The following SERP2 variants were observed in gnomAD, a reference collection of about 807,000 sequenced individuals.
The protein encoded by SERP2 is stress-associated endoplasmic reticulum protein 2.
Under a neutral mutation model 9.1 loss-of-function variants are expected in SERP2, and 6 were observed. The observed-to-expected ratio is 0.66, with a 90% confidence interval of 0.36 to 1.30. SERP2 has a LOEUF of 1.30. SERP2 is among the 50% of genes most tolerant of loss of function. The pLI is 0.03. For missense variants in SERP2, 58 were observed against 81.9 expected (o/e 0.71, Z 1.13); for synonymous variants, 37 against 27.3 (o/e 1.35, Z -1.10).
At chr13:44,385,078 A>T (rs1872235402) in intron 2 of SERP2, among the ~76,000 whole-genome samples, 1 of 152,162 alleles carries the variant, frequency 6.6e-6, no homozygotes, top group Non-Finnish European at 1.5e-5. Context: ...GCATTTAAGT[A>T]TGTGCTCACT....
At chr13:44,393,301 A>C (rs751216751) in intron 2 of SERP2, among the ~76,000 whole-genome samples, 8 of 152,196 alleles carry the variant, frequency 5.3e-5, no homozygotes, top group Non-Finnish European at 8.8e-5. Flanking sequence ...ATGTGGAGTC[A>C]GGCAGATAGC....
chr13:44,391,670 A>G (rs562975436), intron 2 of SERP2, among the ~76,000 whole-genome samples: 2 of 152,154 alleles, frequency 1.3e-5, no homozygotes, highest in Non-Finnish European at 2.9e-5. Context: ...CGGCATCTCA[A>G]CATCTCCTGT....
intron 2 of SERP2, among the ~76,000 whole-genome samples, chr13:44,389,048 C>G (rs1273467501): frequency 1.3e-5 from 2 of 152,212 alleles, no homozygotes; most frequent in African/African-American, 4.8e-5. Flanking sequence ...TCTTTGAGCC[C>G]AAAGGTTGAG....
At chr13:44,390,142 T>C (rs1350633383) in intron 2 of SERP2, among the ~76,000 whole-genome samples, 2 of 152,206 alleles carry the variant, frequency 1.3e-5, no homozygotes, top group Non-Finnish European at 2.9e-5. Context: ...TGACTGTGTA[T>C]TGAAAAAAGC....
intron 1 of SERP2, among the ~76,000 whole-genome samples, chr13:44,376,773 TA>T (rs904515765): frequency 8.5e-4 from 121 of 142,462 alleles, no homozygotes; most frequent in Non-Finnish European, 8.6e-4. Context: ...AGACTCCGTC[TA>T]AAAAAAAAAA....
chr13:44,382,963 C>G (rs946335534), intron 2 of SERP2, among the ~76,000 whole-genome samples: 2 of 152,156 alleles, frequency 1.3e-5, no homozygotes, highest in African/African-American at 4.8e-5. Flanking sequence ...TCATACTCAG[C>G]AGAAGAGAAA....
At chr13:44,381,880 T>C (rs1199944176) in intron 2 of SERP2, among the ~76,000 whole-genome samples, 2 of 152,164 alleles carry the variant, frequency 1.3e-5, no homozygotes, top group Non-Finnish European at 2.9e-5. Context: ...TTTAGTTTAC[T>C]TACTTAGGTT....
chr13:44,375,694 C>T (rs1185402079), intron 1 of SERP2, among the ~76,000 whole-genome samples: 2 of 152,164 alleles, frequency 1.3e-5, no homozygotes, highest in Middle Eastern at 3.4e-3. Flanking sequence ...ACTAAAAAAC[C>T]GGAGTTCAGT....
intron 2 of SERP2, among the ~76,000 whole-genome samples, chr13:44,395,454 A>C (rs567481556): frequency 6.6e-6 from 1 of 152,036 alleles, no homozygotes; most frequent in East Asian, 1.9e-4. Context: ...AATACAAAAA[A>C]TTAGCCGGGC....
intron 1 of SERP2, among the ~76,000 whole-genome samples, chr13:44,374,595 ATGG>A (rs1566088769): frequency 6.6e-6 from 1 of 152,182 alleles, no homozygotes; most frequent in Non-Finnish European, 1.5e-5. Context: ...CAATGGCTAA[ATGG>A]AGGCCACTTG....
At chr13:44,374,177 C>CGGGGGGGGTGGGGGGGGGG in intron 1 of SERP2, 68 bp downstream of exon 1, 1 of 151,764 alleles carries the variant, frequency 6.6e-6, no homozygotes, top group Non-Finnish European at 1.2e-5. Flanking sequence ...AAGGTGGGGG[C>CGGGGGGGGTGGGGGGGGGG]GGGGCCGGGC....
At chr13:44,382,261 C>G (rs1872026589) in intron 2 of SERP2, among the ~76,000 whole-genome samples, 1 of 151,210 alleles carries the variant, frequency 6.6e-6, no homozygotes, top group Non-Finnish European at 1.5e-5. Flanking sequence ...ACGATGAAGC[C>G]CCGTCTCTAC....
intron 2 of SERP2, among the ~76,000 whole-genome samples, chr13:44,381,439 G>A (rs2138782622): frequency 6.6e-6 from 1 of 152,250 alleles, no homozygotes; most frequent in African/African-American, 2.4e-5. Flanking sequence ...CTACTCAGGA[G>A]GCTGAGGCAG....
intron 2 of SERP2, among the ~76,000 whole-genome samples, chr13:44,383,745 G>A (rs1429843555): frequency 6.7e-6 from 1 of 149,708 alleles, no homozygotes; most frequent in Non-Finnish European, 1.5e-5. Context: ...TAGTGACGGG[G>A]TTTCACCATG....
intron 2 of SERP2, among the ~76,000 whole-genome samples, chr13:44,385,617 C>G (rs1261336031): frequency 6.6e-6 from 1 of 152,174 alleles, no homozygotes; most frequent in Non-Finnish European, 1.5e-5. Flanking sequence ...GAAAACTGAC[C>G]AACTGGCACT....
chr13:44,394,265 G>A lies in SERP2; in HGVS notation c.158-3007G>A, dbSNP rs572957698. Among the ~76,000 whole-genome samples the A allele has an allele frequency of 2.6e-5, 4 of 152,222 alleles. No individual in the cohort carries two copies. In the South Asian group the frequency reaches 8.3e-4, roughly 32 times the overall value. On this transcript the variant is annotated intron_variant, in intron 2 of 2. Coordinates refer to ENST00000379179, the MANE Select transcript of SERP2 (RefSeq NM_001010897.3). ...CGATTCTCCTGCCTCAGCCTCCCAA[G>A]TAGCTGGCACTACCACACCCAGCTA...
At chr13:44,389,700 G>T (rs113300970) in intron 2 of SERP2, among the ~76,000 whole-genome samples, 2,012 of 152,296 alleles carry the variant, frequency 0.013, 47 homozygotes, top group African/African-American at 0.045. Context: ...GATAGATAAA[G>T]GATAGGGTTT....
At chr13:44,395,926 G>A (rs1463406172) in intron 2 of SERP2, 3 of 447,940 alleles carry the variant, frequency 6.7e-6, no homozygotes, top group Non-Finnish European at 1.3e-5. Context: ...GAGCCCAGAA[G>A]TGCAGCTGAC....
intron 2 of SERP2, among the ~76,000 whole-genome samples, chr13:44,388,279 TGTG>T (rs1385182167): frequency 0.076 from 29 of 382 alleles, no homozygotes; most frequent in Middle Eastern, 0.5. Flanking sequence ...TGGGTTTTTT[TGTG>T]TGTGTGTTTG....
Sources: allele counts gnomAD v4.1 joint callset (sites outside exome capture counted in the v4.1 genomes callset), GRCh38; gene constraint gnomAD v4.1.1; transcripts MANE v1.5; gene names NCBI Gene and HGNC (gene_info 2026-07-23, HGNC 2026-07-21).